Variants in WASF3 observed in about 807,000 individuals in gnomAD.
The protein encoded by WASF3 is actin-binding protein WASF3.
A neutral mutation model predicts 46.6 loss-of-function variants in WASF3; 11 were observed. The ratio of observed to expected loss-of-function variants is 0.24; its 90% CI spans 0.15 to 0.39. The LOEUF is 0.39. Among genes scored for constraint, WASF3 ranks in the 10% least tolerant of loss-of-function variants. WASF3 has a pLI of 1.00. For missense variants in WASF3, 576 were observed against 669.8 expected (o/e 0.86, Z 1.55); for synonymous variants, 242 against 259.7 (o/e 0.93, Z 0.65).
chr13:26,638,685 C>T (rs190400443), intron 2 of WASF3: 17 of 152,298 alleles, frequency 1.1e-4, no homozygotes, highest in African/African-American at 3.9e-4. Context: ...TTATTCAAAA[C>T]TGAGTTAGTG....
intron 1 of WASF3, among the ~76,000 whole-genome samples, chr13:26,559,519 C>G (rs1879211347): frequency 6.6e-6 from 1 of 152,204 alleles, no homozygotes; most frequent in Non-Finnish European, 1.5e-5. Context: ...ACATTGTAAC[C>G]TCCTATCTCT....
In WASF3 at chr13:26,665,440, G is replaced by A. The variant is rs558319745; in HGVS notation, c.268+278G>A. On this transcript the variant is annotated intron_variant, in intron 4 of 9. Transcript: ENST00000335327. ...TCTTTGAATACAGTCAGTATTAGAA[G>A]CCCCAATTTAGGTTACTGACAGTTA... Among the ~76,000 whole-genome samples, 13 of 152,218 alleles carry A rather than the reference G, an allele frequency of 8.5e-5. No individual in the cohort carries two copies. The East Asian group carries it at 2.5e-3, about 29-fold the overall frequency.
intron 1 of WASF3, among the ~76,000 whole-genome samples, chr13:26,588,431 G>T (rs1162805535): frequency 6.6e-6 from 1 of 152,180 alleles, no homozygotes; most frequent in Non-Finnish European, 1.5e-5. Flanking sequence ...AGGGAAACCT[G>T]GCCCATTTTA....
upstream of WASF3, among the ~76,000 whole-genome samples, chr13:26,554,099 C>CTTTCTTTCTTTCT (rs1879041003): frequency 1.9e-5 from 2 of 103,178 alleles, no homozygotes; most frequent in Non-Finnish European, 1.8e-5. Flanking sequence ...TTCCTTCCTT[C>CTTTCTTTCTTTCT]TTTCTTTCTT....
At chr13:26,662,091 G>A (rs1480101081) in intron 3 of WASF3, among the ~76,000 whole-genome samples, 1 of 152,196 alleles carries the variant, frequency 6.6e-6, no homozygotes, top group Non-Finnish European at 1.5e-5. Context: ...CACCAGGCAA[G>A]GGCAGAAATG....
intron 2 of WASF3, among the ~76,000 whole-genome samples, chr13:26,621,394 A>G (rs1273514493): frequency 6.6e-6 from 1 of 152,214 alleles, no homozygotes; most frequent in Non-Finnish European, 1.5e-5. Context: ...ACTGAAAAGG[A>G]AAGTATGCCA....
At chr13:26,683,603 T>C (rs555045247) in intron 9 of WASF3, among the ~76,000 whole-genome samples, 77 of 151,454 alleles carry the variant, frequency 5.1e-4, no homozygotes, top group Admixed American at 8.6e-4. Flanking sequence ...AAAGTATAAA[T>C]GAAAGAAAGT....
At chr13:26,611,586 C>T (rs940611082) in intron 1 of WASF3, among the ~76,000 whole-genome samples, 5 of 151,970 alleles carry the variant, frequency 3.3e-5, no homozygotes, top group South Asian at 2.1e-4. Context: ...ATCATCAAGT[C>T]GAATCAGCTG....
At chr13:26,656,068 G>A (rs1391751964) in intron 3 of WASF3, among the ~76,000 whole-genome samples, 1 of 152,026 alleles carries the variant, frequency 6.6e-6, no homozygotes, top group Non-Finnish European at 1.5e-5. Context: ...GAAAGCCCTA[G>A]TTATGACTGC....
intron 9 of WASF3, 128 bp downstream of exon 9, chr13:26,683,102 C>T (rs1363479786): frequency 2.0e-5 from 27 of 1,317,264 alleles, no homozygotes; most frequent in Non-Finnish European, 2.7e-5. Flanking sequence ...TTAAAGGGGT[C>T]TTACTTGATT....
intron 1 of WASF3, among the ~76,000 whole-genome samples, chr13:26,604,006 G>T (rs1880720281): frequency 6.6e-6 from 1 of 152,346 alleles, no homozygotes; most frequent in African/African-American, 2.4e-5. Flanking sequence ...GGGTGATCTA[G>T]CTAGGTTGGT....
intron 1 of WASF3, among the ~76,000 whole-genome samples, chr13:26,585,463 T>C (rs993854143): frequency 6.6e-6 from 1 of 152,230 alleles, no homozygotes; most frequent in Non-Finnish European, 1.5e-5. Context: ...TTTACTATAC[T>C]CAGTCATATG....
chr13:26,546,490 G>A, the WASF3 span, among the ~76,000 whole-genome samples: 1 of 152,126 alleles, frequency 6.6e-6, no homozygotes. Context: ...ATCACCTGAG[G>A]ACCTGGTCAG....
intron 1 of WASF3, among the ~76,000 whole-genome samples, chr13:26,593,362 G>A (rs1485817036): frequency 6.6e-6 from 1 of 152,128 alleles, no homozygotes; most frequent in Admixed American, 6.5e-5. Context: ...GTTCTGTCTT[G>A]TGAATATGCT....
At chr13:26,564,900 G>GTTTTTTTTT (rs66809412) in intron 1 of WASF3, among the ~76,000 whole-genome samples, 43 of 81,616 alleles carry the variant, frequency 5.3e-4, no homozygotes, top group East Asian at 8.4e-4. Context: ...CAAGGTTGTG[G>GTTTTTTTTT]TTTTTTTTTT....
chr13:26,681,539 G>A (rs1403069040), intron 8 of WASF3, among the ~76,000 whole-genome samples: 1 of 152,196 alleles, frequency 6.6e-6, no homozygotes, highest in Non-Finnish European at 1.5e-5. Flanking sequence ...GTGCATGCAT[G>A]TGTGTTCCCT....
intron 9 of WASF3, among the ~76,000 whole-genome samples, chr13:26,683,998 GGAAGTGA>G: frequency 6.6e-6 from 1 of 152,316 alleles, no homozygotes; most frequent in East Asian, 1.9e-4. Context: ...CATCTCATCT[GGAAGTGA>G]CCAAGCAAGG....
chr13:26,665,869 A>T (rs547623766), intron 4 of WASF3, among the ~76,000 whole-genome samples: 19 of 152,200 alleles, frequency 1.2e-4, no homozygotes, highest in Admixed American at 9.8e-4. Flanking sequence ...ATACCACTTC[A>T]TATTTATTTT....
At chr13:26,592,138 G>C (rs543277117) in intron 1 of WASF3, among the ~76,000 whole-genome samples, 2 of 149,658 alleles carry the variant, frequency 1.3e-5, no homozygotes, top group East Asian at 2.0e-4. Context: ...TGAAGTTCAT[G>C]ATATCACCAA....
Sources: allele counts gnomAD v4.1 joint callset (sites outside exome capture counted in the v4.1 genomes callset), GRCh38; gene constraint gnomAD v4.1.1; transcripts MANE v1.5; gene names NCBI Gene and HGNC (gene_info 2026-07-23, HGNC 2026-07-21).